SEPTIN11: variants seen among roughly 807,000 people sequenced by gnomAD.
The protein encoded by SEPTIN11 is septin-11.
Under a neutral mutation model 51.4 loss-of-function variants are expected in SEPTIN11, and 25 were observed. The observed-to-expected ratio is 0.49, with a 90% CI of 0.35 to 0.68. SEPTIN11 has a LOEUF of 0.68. Among genes scored for constraint, SEPTIN11 ranks in the 30% least tolerant of loss-of-function variants. The pLI, the probability that SEPTIN11 is intolerant of heterozygous loss-of-function variation, is 0.00. For synonymous variants in SEPTIN11, 174 were observed against 184.1 expected (o/e 0.95, Z 0.44); for missense variants, 381 against 520.8 (o/e 0.73, Z 2.61).
chr4:77,037,170 T>C lies in SEPTIN11; in HGVS notation c.*2658T>C, dbSNP rs1578219627. 1.4e-6 allele frequency: 1 copy of C among 715,958 alleles called. No homozygotes were observed. The highest frequency in any genetic ancestry group is 1.2e-4 in the East Asian group (1 of 8,172). The allele number at this position is 715,958 out of a possible 1,614,324, so 44.4% of individuals were successfully genotyped here. A position where few individuals can be genotyped will look rare whatever the true frequency, so the allele number is the denominator to read the frequency against. On this transcript the variant is annotated 3_prime_UTR_variant, in exon 10 of 10. Transcript: ENST00000264893. ...TGAGGCCTGGAGTTCAAGACCACCT[T>C]GGCGAACACGGTGAAACCCCGTCTC...
chr4:76,993,427 C>A (rs772674666), intron 1 of SEPTIN11, among the ~76,000 whole-genome samples: 2 of 152,070 alleles, frequency 1.3e-5, no homozygotes, highest in Non-Finnish European at 2.9e-5. Context: ...TATGCAGTTC[C>A]CTGAAACTGG....
Position 77,036,996 on chromosome 4 carries a change from G to T in SEPTIN11, c.*2484G>T, listed in dbSNP as rs1352237226. On this transcript the variant is annotated 3_prime_UTR_variant, in exon 10 of 10. Transcript: ENST00000264893. ...AAAAAAGACTAAATATATTTAAAAG[G>T]CCACATTTATATTTTTTTCACAAGA... The T allele has an allele frequency of 1.6e-6, 2 of 1,256,758 alleles. No individual in the cohort carries two copies. The allele number at this position is 1,256,758 out of a possible 1,614,324, so 77.9% of individuals were successfully genotyped here.
chr4:77,031,070 C>T, intron 9 of SEPTIN11, 100 bp downstream of exon 9: 1 of 1,119,522 alleles, frequency 8.9e-7, no homozygotes, highest in Non-Finnish European at 1.3e-6. Flanking sequence ...TGGTCCTTTA[C>T]CAGAAAGATA....
rs115952275 is a variant in SEPTIN11, at chr4:76,950,181, C to T, written c.27+251C>T. 2.5e-3 allele frequency among the ~76,000 whole-genome samples: 385 copies of T among 152,274 alleles called. 1 individual carries two copies. Among genetic ancestry groups the T allele is most frequent in the Admixed American group, 5.4e-3 (82 of 15,302 alleles). ...CTGGGAATGCGAAAGAAAAAGGACC[C>T]CTCTCCTGTTCCCTTTAAAATAATT... is the stretch of plus-strand genomic sequence containing the variant. On this transcript the variant is annotated intron_variant, in intron 1 of 9. Transcript: ENST00000264893.
chr4:76,995,985 G>C, intron 1 of SEPTIN11: 1 of 1,504,260 alleles, frequency 6.6e-7, no homozygotes, highest in African/African-American at 1.4e-5. Context: ...ATCCTCCACT[G>C]TGAGCTTTTC....
intron 9 of SEPTIN11, among the ~76,000 whole-genome samples, 193 bp from the exon 10 acceptor site, chr4:77,034,304 T>C (rs572620401): frequency 6.6e-6 from 1 of 152,378 alleles, no homozygotes; most frequent in Non-Finnish European, 1.5e-5. Context: ...ATGTCTTTAA[T>C]TCAGTATTAA....
rs540677471 is a variant in SEPTIN11, at chr4:76,966,927, T to C, written c.27+16997T>C. ...TGCTTTATTGTAGTTAGAAAAGTGCTTAACCTGGCCTGTAATCCCAGCACT... is the reference window on the plus strand; with the variant it reads ...TGCTTTATTGTAGTTAGAAAAGTGCCTAACCTGGCCTGTAATCCCAGCACT... On this transcript the variant is annotated intron_variant, in intron 1 of 9. Coordinates refer to ENST00000264893, the MANE Select transcript of SEPTIN11 (RefSeq NM_018243.4). Among the ~76,000 whole-genome samples, 3 of 150,792 alleles carry C rather than the reference T, an allele frequency of 2.0e-5. No individual in the cohort carries two copies. The East Asian group carries it at 6.0e-4, about 30-fold the overall frequency.
chr4:77,005,042 C>T, intron 2 of SEPTIN11, among the ~76,000 whole-genome samples: 1 of 152,170 alleles, frequency 6.6e-6, no homozygotes, highest in East Asian at 1.9e-4. Flanking sequence ...CCGGGGTTGG[C>T]ACAAAGTGAG....
chr4:76,975,479 T>G (rs1722453656), intron 1 of SEPTIN11, among the ~76,000 whole-genome samples: 2 of 152,216 alleles, frequency 1.3e-5, no homozygotes, highest in South Asian at 4.1e-4. Context: ...AATAATAAAC[T>G]TATTACATGT....
downstream of SEPTIN11, chr4:77,039,236 C>A: frequency 8.3e-7 from 1 of 1,211,688 alleles, no homozygotes; most frequent in South Asian, 1.5e-5. Context: ...TATTGCACTG[C>A]TGTTTGTACT....
At chr4:76,958,716 G>A (rs578064367) in intron 1 of SEPTIN11, 2 of 543,042 alleles carry the variant, frequency 3.7e-6, no homozygotes, top group Admixed American at 3.3e-5. Context: ...GGTTTTTGTT[G>A]TTGTTGTTGT....
At chr4:76,975,585 C>T (rs571283939) in intron 1 of SEPTIN11, among the ~76,000 whole-genome samples, 2 of 152,274 alleles carry the variant, frequency 1.3e-5, no homozygotes, top group South Asian at 4.1e-4. Flanking sequence ...TCTTTAATGT[C>T]TGACTTAATG....
downstream of SEPTIN11, chr4:77,039,372 A>G (rs1375619105): frequency 2.7e-6 from 3 of 1,091,124 alleles, no homozygotes; most frequent in South Asian, 2.5e-5. Flanking sequence ...CCAAGACCCA[A>G]GGTCTTGTGC....
chr4:76,991,808 G>A (rs988446729), intron 1 of SEPTIN11, among the ~76,000 whole-genome samples: 3 of 152,118 alleles, frequency 2.0e-5, no homozygotes, highest in Non-Finnish European at 2.9e-5. Flanking sequence ...CTTAAGGGTC[G>A]GAACTGCAGT....
At position 76,991,585 on chromosome 4, in the gene SEPTIN11, T is replaced by G. The variant is rs561451488; in HGVS notation, c.28-4840T>G. ...AAGTGACCTTTTGGGCATAGAAACA[T>G]TTATCCAGAAGGGTTCTGCAAGCTG... On this transcript the variant is annotated intron_variant, in intron 1 of 9. Coordinates refer to ENST00000264893, the MANE Select transcript of SEPTIN11 (RefSeq NM_018243.4). Among the ~76,000 whole-genome samples the G allele has an allele frequency of 3.3e-4, 50 of 152,254 alleles. 1 individual carries two copies. Among genetic ancestry groups the G allele is most frequent in the African/African-American group, 1.2e-3 (49 of 41,534 alleles).
Position 77,014,984 on chromosome 4 carries a change from A to G in SEPTIN11, c.654A>G (p.Glu218=), listed in dbSNP as rs558876806. 2 of 1,613,998 alleles carry G rather than the reference A, an allele frequency of 1.2e-6. No individual in the cohort carries two copies. The highest frequency in any genetic ancestry group is 3.3e-5 in the Admixed American group (2 of 59,994). ...GVQIYQFPTD[E]ETVAEINATM... Reference sequence around the variant, plus strand: ...AGATATATCAGTTTCCCACTGATGAAGAAACGGTGGCAGAGATTAACGCAA... The same window carrying G: ...AGATATATCAGTTTCCCACTGATGAGGAAACGGTGGCAGAGATTAACGCAA... The change falls in exon 5 of 10, where the codon GAA becomes GAG. Residue 218 remains glutamate, a synonymous_variant. Coordinates refer to ENST00000264893, the MANE Select transcript of SEPTIN11 (RefSeq NM_018243.4).
rs965785785 is a variant in SEPTIN11 at position 76,984,199 on chromosome 4, G to A, written c.28-12226G>A. Among the ~76,000 whole-genome samples the A allele has an allele frequency of 1.3e-5, 2 of 152,182 alleles. No homozygotes were observed. Among genetic ancestry groups the A allele is most frequent in the Non-Finnish European group, 2.9e-5 (2 of 68,026 alleles). ...TGCTGGAAATGTGTCACTGGACTCAGATGTTCTAGGTCAGCCTGGATTAGG... is the reference window on the plus strand; with the variant it reads ...TGCTGGAAATGTGTCACTGGACTCAAATGTTCTAGGTCAGCCTGGATTAGG... On this transcript the variant is annotated intron_variant, in intron 1 of 9. Coordinates refer to ENST00000264893, the MANE Select transcript of SEPTIN11 (RefSeq NM_018243.4). This position sits in a 1 kb window ranked among gnomAD's most constrained non-coding sequence, Gnocchi z 4.1.
chr4:77,035,317 C>T lies in SEPTIN11; in HGVS notation c.*805C>T, dbSNP rs968423178. The T allele has an allele frequency of 9.1e-6, 9 of 985,306 alleles. No homozygotes were observed. The African/African-American group carries it at 1.6e-4, about 17-fold the overall frequency. The allele number at this position is 985,306 out of a possible 1,614,324, so 61.0% of individuals were successfully genotyped here. On this transcript the variant is annotated 3_prime_UTR_variant, in exon 10 of 10. Transcript: ENST00000264893. ...TCTTCTAAGGATGATGGGCTTTCTA[C>T]AGCCTGCTTACCACTAACAGTAAGG...
chr4:77,034,046 T>C (rs1277682845), intron 9 of SEPTIN11, among the ~76,000 whole-genome samples: 1 of 152,210 alleles, frequency 6.6e-6, no homozygotes, highest in Non-Finnish European at 1.5e-5. Context: ...TAAACTGCTT[T>C]AGACCTTTTC....
Sources: gnomAD v4.1 joint callset for allele counts (sites outside exome capture counted in the v4.1 genomes callset) on GRCh38, gnomAD v4.1.1 for gene constraint, Gnocchi (gnomAD v3.1) non-coding constraint, MANE v1.5 for transcripts, NCBI Gene and HGNC (gene_info 2026-07-23, HGNC 2026-07-21) for gene names.